The following MAST2 variants were observed in gnomAD, a reference collection of about 807,000 sequenced individuals.
The protein encoded by MAST2 is microtubule associated serine/threonine kinase 2.
A neutral mutation model predicts 147.4 loss-of-function variants in MAST2; 70 were observed. The ratio of observed to expected loss-of-function variants is 0.47; its 90% confidence interval spans 0.39 to 0.58. The LOEUF (loss-of-function observed/expected upper bound fraction) is 0.58, where lower values mean the gene tolerates loss of function less well. Among genes scored for constraint, MAST2 ranks in the 20% least tolerant of loss-of-function variants. The pLI, the probability that MAST2 is intolerant of heterozygous loss-of-function variation, is 0.00. For synonymous variants in MAST2, 869 were observed against 896.8 expected (o/e 0.97, Z 0.55); for missense variants, 2,080 against 2,302.3 (o/e 0.90, Z 1.98).
intron 5 of MAST2, 108 bp downstream of exon 5, chr1:45,959,585 A>G (rs1159277750): frequency 1.0e-5 from 9 of 883,036 alleles, no homozygotes; most frequent in African/African-American, 3.4e-5. Flanking sequence ...TTGTCACTTT[A>G]CTTGGCTGAC....
chr1:45,930,269 C>T (rs991581136), intron 4 of MAST2, among the ~76,000 whole-genome samples: 3 of 151,928 alleles, frequency 2.0e-5, no homozygotes, highest in African/African-American at 7.3e-5. Flanking sequence ...TTAGTAGAGA[C>T]GGGGTTTCAC....
chr1:45,890,633 A>G (rs931108788), intron 4 of MAST2, among the ~76,000 whole-genome samples: 36 of 152,328 alleles, frequency 2.4e-4, no homozygotes, highest in Non-Finnish European at 2.4e-4. Context: ...ATATGGAAAT[A>G]TAGTCAGATT....
intron 4 of MAST2, among the ~76,000 whole-genome samples, chr1:45,925,526 G>T (rs1654223966): frequency 6.6e-6 from 1 of 152,192 alleles, no homozygotes; most frequent in Admixed American, 6.5e-5. Flanking sequence ...TGGTGTCCTT[G>T]AAGAGAGGAG....
At chr1:45,899,086 T>C (rs940247155) in intron 4 of MAST2, among the ~76,000 whole-genome samples, 5 of 152,100 alleles carry the variant, frequency 3.3e-5, no homozygotes, top group African/African-American at 1.2e-4. Context: ...GTTAGAAAAA[T>C]ATAATGCAAT....
At chr1:45,862,426 G>T (rs988133045) in intron 3 of MAST2, among the ~76,000 whole-genome samples, 2 of 151,658 alleles carry the variant, frequency 1.3e-5, no homozygotes, top group African/African-American at 4.9e-5. Flanking sequence ...ATGATATGGC[G>T]TGTCTTGAAT....
intron 5 of MAST2, among the ~76,000 whole-genome samples, chr1:45,969,351 C>T (rs1486070793): frequency 2.0e-5 from 3 of 152,118 alleles, no homozygotes; most frequent in African/African-American, 7.2e-5. Context: ...TGTTCCATAG[C>T]AGGGATCCGC....
intron 3 of MAST2, among the ~76,000 whole-genome samples, chr1:45,874,844 A>G (rs1240083803): frequency 6.6e-6 from 1 of 152,232 alleles, no homozygotes; most frequent in Non-Finnish European, 1.5e-5. Flanking sequence ...TATTTGGATA[A>G]TATATGGAAG....
At chr1:45,893,937 T>C (rs1341657774) in intron 4 of MAST2, among the ~76,000 whole-genome samples, 1 of 152,240 alleles carries the variant, frequency 6.6e-6, no homozygotes, top group African/African-American at 2.4e-5. Context: ...TCAGAGATAG[T>C]TTTTGGTATT....
intron 4 of MAST2, among the ~76,000 whole-genome samples, chr1:45,884,027 G>A (rs1646971213): frequency 6.8e-6 from 1 of 146,714 alleles, no homozygotes; most frequent in Non-Finnish European, 1.5e-5. Flanking sequence ...GCAGAAATGT[G>A]TGTCCTCAAT....
chr1:45,834,614 A>G (rs984357410), intron 3 of MAST2, among the ~76,000 whole-genome samples: 1 of 152,156 alleles, frequency 6.6e-6, no homozygotes, highest in Admixed American at 6.6e-5. Flanking sequence ...TATTATTTGT[A>G]TTCTTAAAAT....
intron 3 of MAST2, among the ~76,000 whole-genome samples, chr1:45,844,792 G>T (rs955849899): frequency 5.3e-5 from 8 of 152,114 alleles, no homozygotes; most frequent in South Asian, 2.1e-4. Context: ...TGATTGGTTT[G>T]TTCGTCCGTT....
At chr1:45,851,632 A>C (rs1352899695) in intron 3 of MAST2, among the ~76,000 whole-genome samples, 2 of 152,112 alleles carry the variant, frequency 1.3e-5, no homozygotes, top group Non-Finnish European at 2.9e-5. Flanking sequence ...ATTTTGAGAT[A>C]TGTTCCTTGG....
intron 4 of MAST2, among the ~76,000 whole-genome samples, chr1:45,887,857 A>G (rs1647163709): frequency 6.6e-6 from 1 of 152,212 alleles, no homozygotes; most frequent in South Asian, 2.1e-4. Flanking sequence ...CCTGTCTTTT[A>G]AAAGTTGGTG....
intron 4 of MAST2, among the ~76,000 whole-genome samples, chr1:45,908,898 A>G (rs1651211366): frequency 6.6e-6 from 1 of 152,088 alleles, no homozygotes; most frequent in Non-Finnish European, 1.5e-5. Flanking sequence ...TCTTTCTTGC[A>G]TTACATGTGT....
intron 4 of MAST2, among the ~76,000 whole-genome samples, chr1:45,941,152 G>A (rs947353928): frequency 2.0e-5 from 3 of 152,108 alleles, no homozygotes; most frequent in Non-Finnish European, 4.4e-5. Flanking sequence ...TTCTACTTGG[G>A]TATGACAAGA....
intron 4 of MAST2, among the ~76,000 whole-genome samples, chr1:45,945,569 G>A (rs1657908834): frequency 1.3e-5 from 2 of 152,152 alleles, no homozygotes; most frequent in Admixed American, 6.5e-5. Flanking sequence ...GCAATTTATT[G>A]AGGAAGGAGG....
chr1:45,918,119 C>T (rs1054415037), intron 4 of MAST2, among the ~76,000 whole-genome samples: 6 of 152,086 alleles, frequency 3.9e-5, no homozygotes, highest in African/African-American at 7.2e-5. Context: ...TGTAACATAA[C>T]GGATAGACAG....
chr1:45,994,077 A>T (rs1232487383), intron 5 of MAST2, among the ~76,000 whole-genome samples: 1 of 152,114 alleles, frequency 6.6e-6, no homozygotes, highest in Non-Finnish European at 1.5e-5. Context: ...TAGCACATGG[A>T]TGTATAACAA....
chr1:45,860,740 G>T (rs1645953686), intron 3 of MAST2, among the ~76,000 whole-genome samples: 1 of 152,080 alleles, frequency 6.6e-6, no homozygotes, highest in Admixed American at 6.5e-5. Flanking sequence ...GCTGAGGCAG[G>T]AGAATCACTT....
Sources: allele counts gnomAD v4.1 joint callset (sites outside exome capture counted in the v4.1 genomes callset), GRCh38; gene constraint gnomAD v4.1.1; transcripts MANE v1.5; gene names NCBI Gene and HGNC (gene_info 2026-07-23, HGNC 2026-07-21).